The following STEEP1 variants were observed in gnomAD, a reference collection of about 807,000 sequenced individuals.
The protein encoded by STEEP1 is STING ER exit protein.
Under a neutral mutation model 19.2 loss-of-function variants are expected in STEEP1, and 3 were observed. The ratio of observed to expected loss-of-function variants is 0.16; its 90% CI spans 0.07 to 0.40. The LOEUF (loss-of-function observed/expected upper bound fraction) is 0.40, where lower values mean the gene tolerates loss of function less well. Ranked by LOEUF, STEEP1 falls within the 10% of genes least tolerant of loss-of-function variation. The pLI is 0.99. For synonymous variants in STEEP1, 46 were observed against 63.7 expected (o/e 0.72, Z 1.32); for missense variants, 54 against 177.1 (o/e 0.30, Z 3.94).
In STEEP1 at chrX:119,538,567, G is replaced by A. The variant is rs1050330851; in HGVS notation, c.*1160C>T. On this transcript the variant is annotated 3_prime_UTR_variant, in exon 7 of 7. Coordinates refer to ENST00000644802, the MANE Select transcript of STEEP1 (RefSeq NM_022101.4). Reference sequence around the variant, plus strand: ...TCCTGCCTCTGCCTCCCAAGTAGCCGTGACTACAGGGGTATGCCGCCACAC... The same window carrying A: ...TCCTGCCTCTGCCTCCCAAGTAGCCATGACTACAGGGGTATGCCGCCACAC... 9.2e-6 allele frequency: 1 copy of A among 109,230 alleles called. No homozygotes were observed. The highest frequency in any genetic ancestry group is 1.9e-5 in the Non-Finnish European group (1 of 52,520). The allele number at this position is 109,230 out of a possible 1,213,427, so 9.0% of individuals were successfully genotyped here.
At chrX:119,560,421 G>C (rs766481675) in intron 1 of STEEP1, 36 bp from the exon 2 acceptor site, 1 of 983,983 alleles carries the variant, frequency 1.0e-6, no homozygotes, top group East Asian at 3.1e-5. Context: ...CTAGAGTCAT[G>C]GCAAAATATA....
At chrX:119,542,127 C>T (rs980076246) in intron 5 of STEEP1, among the ~76,000 whole-genome samples, 2 of 100,913 alleles carry the variant, frequency 2.0e-5, no homozygotes, top group Non-Finnish European at 4.0e-5. Context: ...AGTGCACTGG[C>T]GCAATCTCGG....
intron 2 of STEEP1, among the ~76,000 whole-genome samples, chrX:119,547,092 TCTGA>T (rs972640012): frequency 8.9e-6 from 1 of 112,313 alleles, no homozygotes; most frequent in Non-Finnish European, 1.9e-5. Context: ...AGCAAAGAAC[TCTGA>T]CTGGTACATA....
intron 5 of STEEP1, among the ~76,000 whole-genome samples, chrX:119,541,736 C>T (rs1467616154): frequency 3.6e-5 from 4 of 111,547 alleles, no homozygotes; most frequent in Non-Finnish European, 5.6e-5. Flanking sequence ...ACGTTTTAAC[C>T]AAAACATATG....
chrX:119,561,273 A>G (rs1044071640), intron 1 of STEEP1, among the ~76,000 whole-genome samples: 2 of 111,562 alleles, frequency 1.8e-5, no homozygotes, highest in African/African-American at 6.5e-5. Context: ...GGGTGATTAT[A>G]TAGTATGCAA....
chrX:119,545,358 A>AG, intron 3 of STEEP1, 105 bp downstream of exon 3: 3 of 537,643 alleles, frequency 5.6e-6, no homozygotes, highest in Non-Finnish European at 9.3e-6. Flanking sequence ...GTCTCAAAAA[A>AG]AAAAAAAAAG....
rs201339708 is a variant in STEEP1 at position 119,542,055 on chromosome X, CTTTTTTTTTTTTTTTTTTT to C, written c.513+431_513+449del. On this transcript the variant is annotated intron_variant, in intron 5 of 6. Coordinates refer to ENST00000644802, the MANE Select transcript of STEEP1 (RefSeq NM_022101.4). ...TCACTGTCAGAGTTTCTTTTCTTTTCTTTTTTTTTTTTTTTTTTTTTTTTTTTTTTGAGACAGAGACCCG... is the reference window on the plus strand; with the variant it reads ...TCACTGTCAGAGTTTCTTTTCTTTTCTTTTTTTTTTTGAGACAGAGACCCG... Among the ~76,000 whole-genome samples the C allele has an allele frequency of 1.1e-3, 91 of 82,906 alleles. 1 individual carries two copies. Among genetic ancestry groups the C allele is most frequent in the Middle Eastern group, 0.013 (2 of 152 alleles). The allele number at this position is 82,906 out of a possible 115,157, so 72.0% of individuals were successfully genotyped here.
At chrX:119,543,439 G>A (rs1228186155) in intron 4 of STEEP1, among the ~76,000 whole-genome samples, 2 of 109,638 alleles carry the variant, frequency 1.8e-5, no homozygotes, top group Non-Finnish European at 3.8e-5. Flanking sequence ...CGCCCACCTC[G>A]GCCTCCCAAA....
intron 2 of STEEP1, among the ~76,000 whole-genome samples, chrX:119,559,765 G>A (rs771350554): frequency 1.2e-4 from 13 of 112,390 alleles, no homozygotes; most frequent in African/African-American, 3.2e-4. Flanking sequence ...TGGCAATGGA[G>A]GGGCCGGGCA....
At chrX:119,549,110 A>G (rs2053227574) in intron 2 of STEEP1, among the ~76,000 whole-genome samples, 1 of 111,650 alleles carries the variant, frequency 9.0e-6, no homozygotes, top group Non-Finnish European at 1.9e-5. Context: ...CAATGGATAT[A>G]AAGTTTCTGT....
At chrX:119,542,097 C>T (rs1438054327) in intron 5 of STEEP1, among the ~76,000 whole-genome samples, 1 of 90,215 alleles carries the variant, frequency 1.1e-5, no homozygotes, top group Non-Finnish European at 2.2e-5. Context: ...AGACAGAGAC[C>T]CGCTCTGTCC....
intron 2 of STEEP1, among the ~76,000 whole-genome samples, chrX:119,551,629 G>A (rs1171556675): frequency 9.0e-6 from 1 of 111,286 alleles, no homozygotes. Context: ...GTTTATTGGT[G>A]AATGCCAGCT....
chrX:119,562,910 G>C (rs982480173), intron 1 of STEEP1, among the ~76,000 whole-genome samples: 1 of 111,235 alleles, frequency 9.0e-6, no homozygotes, highest in Non-Finnish European at 1.9e-5. Context: ...AAGTAAGGGA[G>C]GGATTGAGGG....
chrX:119,557,237 A>C (rs758045649), intron 2 of STEEP1, among the ~76,000 whole-genome samples: 15 of 109,137 alleles, frequency 1.4e-4, no homozygotes, highest in African/African-American at 5.0e-4. Context: ...GTTCAACACT[A>C]AAGTTTCATA....
intron 2 of STEEP1, among the ~76,000 whole-genome samples, chrX:119,556,904 G>A (rs2053282313): frequency 9.0e-6 from 1 of 110,655 alleles, no homozygotes; most frequent in Admixed American, 9.7e-5. Flanking sequence ...GGGGCAGGCA[G>A]AAGAAAAAGA....
At chrX:119,555,737 C>T (rs1046612847) in intron 2 of STEEP1, among the ~76,000 whole-genome samples, 9 of 110,604 alleles carry the variant, frequency 8.1e-5, no homozygotes, top group Admixed American at 7.9e-4. Context: ...CAGGAGGCAG[C>T]AGCCACAAAA....
At chrX:119,556,648 T>C (rs768712941) in intron 2 of STEEP1, among the ~76,000 whole-genome samples, 4 of 107,927 alleles carry the variant, frequency 3.7e-5, no homozygotes, top group African/African-American at 1.4e-4. Flanking sequence ...CTGTCCACAG[T>C]AGAGAAATGA....
At chrX:119,565,042 A>C in intron 1 of STEEP1, 190 bp downstream of exon 1, 1 of 544,445 alleles carries the variant, frequency 1.8e-6, no homozygotes, top group Non-Finnish European at 2.6e-6. Flanking sequence ...TCACAAGGCT[A>C]AACAAAAAGC....
chrX:119,559,965 C>T (rs1304279223), intron 2 of STEEP1, among the ~76,000 whole-genome samples: 1 of 111,819 alleles, frequency 8.9e-6, no homozygotes, highest in Non-Finnish European at 1.9e-5. Flanking sequence ...AAGAGAGTTG[C>T]TTGAATCTGG....
Sources: gnomAD v4.1 joint callset for allele counts (sites outside exome capture counted in the v4.1 genomes callset) on GRCh38, gnomAD v4.1.1 for gene constraint, MANE v1.5 for transcripts, NCBI Gene and HGNC (gene_info 2026-07-23, HGNC 2026-07-21) for gene names.